The following CADM2 variants were observed in gnomAD, a reference collection of about 807,000 sequenced individuals.
CADM2 encodes cell adhesion molecule 2.
In CADM2, 12 loss-of-function variants were observed where a neutral mutation model predicts 49.8. The observed-to-expected ratio is 0.24, with a 90% confidence interval of 0.15 to 0.39. The LOEUF (loss-of-function observed/expected upper bound fraction) is 0.39. Among genes scored for constraint, CADM2 ranks in the 10% least tolerant of loss-of-function variants. CADM2 has a pLI of 1.00. For synonymous variants in CADM2, 214 were observed against 175.4 expected, an observed-to-expected ratio of 1.22 and a Z score of -1.74; for missense variants, 378 against 492.3, an observed-to-expected ratio of 0.77 and a Z score of 2.20.
At chr3:85,970,237 A>G (rs1725954833) in intron 8 of CADM2, among the ~76,000 whole-genome samples, 1 of 151,466 alleles carries the variant, frequency 6.6e-6, no homozygotes, top group African/African-American at 2.4e-5. Context: ...AGAGTTATGC[A>G]ATTGATTCCA....
intron 1 of CADM2, among the ~76,000 whole-genome samples, chr3:85,206,109 A>G (rs896408780): frequency 6.6e-6 from 1 of 152,078 alleles, no homozygotes. Flanking sequence ...CAGTTCTGGC[A>G]TTTACCTCTG....
chr3:84,973,192 C>T (rs1211995458), intron 1 of CADM2, among the ~76,000 whole-genome samples: 2 of 152,174 alleles, frequency 1.3e-5, no homozygotes, highest in Admixed American at 6.5e-5. Context: ...GGATTACAGG[C>T]ATGAGCCACT....
intron 1 of CADM2, among the ~76,000 whole-genome samples, chr3:85,085,691 C>G (rs1282204913): frequency 1.3e-5 from 2 of 152,110 alleles, no homozygotes; most frequent in African/African-American, 4.8e-5. Flanking sequence ...CTTTTACTTT[C>G]CAGAATTCTT....
At chr3:85,666,581 C>T (rs9823221) in intron 1 of CADM2, among the ~76,000 whole-genome samples, 11 of 151,940 alleles carry the variant, frequency 7.2e-5, no homozygotes, top group African/African-American at 2.7e-4. Flanking sequence ...CCAGGAAAAA[C>T]TATATTTTTA....
intron 1 of CADM2, among the ~76,000 whole-genome samples, chr3:85,108,771 A>G (rs1036962916): frequency 1.3e-5 from 2 of 152,308 alleles, no homozygotes; most frequent in African/African-American, 4.8e-5. Context: ...TGTTACAGGA[A>G]TTATTTGAAT....
In CADM2 at chr3:85,748,400, T is replaced by G. The variant is rs1005514270; in HGVS notation, c.88+21852T>G. On this transcript the variant is annotated intron_variant, in intron 2 of 9. Coordinates refer to ENST00000383699, the MANE Select transcript of CADM2 (RefSeq NM_001167675.2). Reference sequence around the variant, plus strand: ...AACGAAGCAGGCGAAATAGCCTAAATTGTCCTTATGTCTCCTTTCTAGTCA... The same window carrying G: ...AACGAAGCAGGCGAAATAGCCTAAAGTGTCCTTATGTCTCCTTTCTAGTCA... Among the ~76,000 whole-genome samples the G allele has an allele frequency of 9.2e-5, 14 of 152,218 alleles. No homozygotes were observed. In the Middle Eastern group the frequency reaches 0.01, roughly 111 times the overall value.
At chr3:85,914,636 T>C (rs752706247) in intron 6 of CADM2, among the ~76,000 whole-genome samples, 31 of 152,208 alleles carry the variant, frequency 2.0e-4, no homozygotes, top group Non-Finnish European at 3.7e-4. Flanking sequence ...ATAAGAACTA[T>C]TGAAGACCAC....
chr3:85,366,736 A>G lies in CADM2; in HGVS notation c.62-359786A>G, dbSNP rs2032815429. Among the ~76,000 whole-genome samples, 5 of 152,126 alleles carry G rather than the reference A, an allele frequency of 3.3e-5. No individual in the cohort carries two copies. In the South Asian group the frequency reaches 1.0e-3, roughly 32 times the overall value. On this transcript the variant is annotated intron_variant, in intron 1 of 9. Coordinates refer to ENST00000383699, the MANE Select transcript of CADM2 (RefSeq NM_001167675.2). ...TTTAATATTAATGCCGAAATCTAAA[A>G]TACTAAATCTGTCACTCAATGAATG... is the stretch of plus-strand genomic sequence containing the variant.
intron 1 of CADM2, among the ~76,000 whole-genome samples, chr3:85,470,740 C>G (rs2038731005): frequency 1.3e-5 from 2 of 152,034 alleles, no homozygotes; most frequent in African/African-American, 4.8e-5. Flanking sequence ...GTGGCACAAA[C>G]AGGGAAACTA....
chr3:86,031,258 T>C (rs1371495517), intron 8 of CADM2, among the ~76,000 whole-genome samples: 2 of 151,800 alleles, frequency 1.3e-5, no homozygotes, highest in African/African-American at 4.8e-5. Context: ...TGAAAATTGA[T>C]AACCAGGGTC....
intron 1 of CADM2, among the ~76,000 whole-genome samples, chr3:85,672,380 G>A (rs1251734369): frequency 2.6e-5 from 4 of 151,892 alleles, no homozygotes; most frequent in African/African-American, 9.7e-5. Context: ...TTTTAGTAGA[G>A]ACGGGGTTTC....
intron 3 of CADM2, among the ~76,000 whole-genome samples, chr3:85,803,222 T>C (rs1324074665): frequency 6.6e-6 from 1 of 151,954 alleles, no homozygotes; most frequent in Admixed American, 6.6e-5. Flanking sequence ...AATGAAGGAG[T>C]GATGAAGCAT....
chr3:85,027,553 A>G (rs978883148), intron 1 of CADM2, among the ~76,000 whole-genome samples: 2 of 152,094 alleles, frequency 1.3e-5, no homozygotes, highest in Non-Finnish European at 2.9e-5. Flanking sequence ...TATATTTCAT[A>G]GTATATTTTA....
At chr3:85,097,672 A>G (rs1485745366) in intron 1 of CADM2, among the ~76,000 whole-genome samples, 1 of 152,188 alleles carries the variant, frequency 6.6e-6, no homozygotes, top group East Asian at 1.9e-4. Context: ...CTTTGATTGG[A>G]CATACAGCTG....
At position 85,125,393 on chromosome 3, in the gene CADM2, G is replaced by A. The variant is rs539861127; in HGVS notation, c.61+165725G>A. Among the ~76,000 whole-genome samples, 6 of 151,528 alleles carry A rather than the reference G, an allele frequency of 4.0e-5. No individual in the cohort carries two copies. The South Asian group carries it at 1.2e-3, about 31-fold the overall frequency. On this transcript the variant is annotated intron_variant, in intron 1 of 9. Transcript: ENST00000383699. ...GATTTTTGTTTTTTTTTTTGAGACA[G>A]GGTCTTAGTCTGTTGCCCAGGCAGT... is the stretch of plus-strand genomic sequence containing the variant.
chr3:85,030,941 A>G lies in CADM2; in HGVS notation c.61+71273A>G, dbSNP rs113522787. Among the ~76,000 whole-genome samples the G allele has an allele frequency of 4.9e-3, 662 of 135,078 alleles. 2 individuals are homozygous for G. Among genetic ancestry groups the G allele is most frequent in the African/African-American group, 0.015 (588 of 38,808 alleles). The allele number at this position is 135,078 out of a possible 152,430, so 88.6% of individuals were successfully genotyped here. ...TTGAGTGGAATTTTATAAAGGGGGTATTTACAGAGAGGTGGGGACGATGTA... is the reference window on the plus strand; with the variant it reads ...TTGAGTGGAATTTTATAAAGGGGGTGTTTACAGAGAGGTGGGGACGATGTA... On this transcript the variant is annotated intron_variant, in intron 1 of 9. Transcript: ENST00000383699.
intron 1 of CADM2, among the ~76,000 whole-genome samples, chr3:84,961,689 A>C (rs2030539683): frequency 6.6e-6 from 1 of 152,002 alleles, no homozygotes; most frequent in South Asian, 2.1e-4. Context: ...ATGTGGGGGA[A>C]TCAGTTAATT....
rs1262001598 is a variant in CADM2, at chr3:86,062,539, A to T, written c.971-3066A>T. ...ACACCTGTAATCCCAGCACTTTGGG[A>T]GGCCTAGGTGGGTGGATTTCTTGAG... On this transcript the variant is annotated intron_variant, in intron 8 of 9. Coordinates refer to ENST00000383699, the MANE Select transcript of CADM2 (RefSeq NM_001167675.2). Among the ~76,000 whole-genome samples, 4 of 151,690 alleles carry T rather than the reference A, an allele frequency of 2.6e-5. No individual in the cohort carries two copies. The East Asian group carries it at 7.8e-4, about 30-fold the overall frequency.
At chr3:85,161,913 A>T (rs1240936888) in intron 1 of CADM2, among the ~76,000 whole-genome samples, 2 of 152,204 alleles carry the variant, frequency 1.3e-5, no homozygotes, top group African/African-American at 2.4e-5. Flanking sequence ...CCTACTCGGG[A>T]GGCTGAGGCA....
Sources: allele counts gnomAD v4.1 joint callset (sites outside exome capture counted in the v4.1 genomes callset), GRCh38; gene constraint gnomAD v4.1.1; transcripts MANE v1.5; gene names NCBI Gene and HGNC (gene_info 2026-07-23, HGNC 2026-07-21).